PRKD1: variants seen among roughly 807,000 people sequenced by gnomAD.
The protein encoded by PRKD1 is protein kinase D1, also known as serine/threonine-protein kinase D1.
Under a neutral mutation model 95.9 loss-of-function variants are expected in PRKD1, and 63 were observed. The observed-to-expected ratio is 0.66, with a 90% CI of 0.54 to 0.81. The LOEUF is 0.81. Ranked by LOEUF, PRKD1 falls within the 30% of genes least tolerant of loss-of-function variation. The probability of loss-of-function intolerance (pLI) is 0.00; values close to 1 mark genes in which losing one functional copy is unlikely to be tolerated. For missense variants in PRKD1, 1,048 were observed against 1,165.3 expected (o/e 0.90, Z 1.47); for synonymous variants, 425 against 423.1 (o/e 1.00, Z -0.05).
chr14:29,752,577 TTA>T (rs141798722), intron 1 of PRKD1, among the ~76,000 whole-genome samples: 32 of 150,308 alleles, frequency 2.1e-4, no homozygotes, highest in Middle Eastern at 3.4e-3. Flanking sequence ...ATATATCTTA[TTA>T]TATATATATA....
In PRKD1 at chr14:29,793,973, A is replaced by T. The variant is rs1889693648; in HGVS notation, c.265-68299T>A. Among the ~76,000 whole-genome samples, 5 of 152,150 alleles carry T rather than the reference A, an allele frequency of 3.3e-5. No individual in the cohort carries two copies. In the South Asian group the frequency reaches 1.0e-3, roughly 32 times the overall value. On this transcript the variant is annotated intron_variant, in intron 1 of 17. Transcript: ENST00000331968. ...CCAATGTTTCCTCTAACACAAGCAG[A>T]TCTTTACTGTGGCCGTTTTAAATCA...
intron 1 of PRKD1, among the ~76,000 whole-genome samples, chr14:29,805,574 G>A (rs187716341): frequency 1.4e-4 from 22 of 152,288 alleles, no homozygotes; most frequent in Non-Finnish European, 1.0e-4. Flanking sequence ...GCCACGAATC[G>A]TTCTAAATCC....
intron 13 of PRKD1, among the ~76,000 whole-genome samples, chr14:29,603,682 C>G (rs1452817181): frequency 1.3e-5 from 2 of 151,970 alleles, no homozygotes; most frequent in Non-Finnish European, 2.9e-5. Context: ...CTCCTAATGT[C>G]CAAAGTAACA....
In PRKD1 at chr14:29,688,273, C is replaced by T. The variant is rs147544104; in HGVS notation, c.404-22065G>A. On this transcript the variant is annotated intron_variant, in intron 2 of 17. Transcript: ENST00000331968. ...CTTTGGGCCCACTAGGATAACCTCC[C>T]TATCTTAACATCAGCTGACAGCAAC... 1.4e-3 allele frequency among the ~76,000 whole-genome samples: 216 copies of T among 152,226 alleles called. 1 individual carries two copies. The East Asian group carries it at 0.033, about 23-fold the overall frequency.
chr14:29,587,166 G>T (rs1208186053), intron 16 of PRKD1, among the ~76,000 whole-genome samples: 1 of 152,126 alleles, frequency 6.6e-6, no homozygotes, highest in Non-Finnish European at 1.5e-5. Context: ...ATAAATACAT[G>T]AACATTTTTG....
At chr14:29,788,401 C>A (rs1252759144) in intron 1 of PRKD1, among the ~76,000 whole-genome samples, 7 of 152,090 alleles carry the variant, frequency 4.6e-5, no homozygotes, top group Non-Finnish European at 1.0e-4. Flanking sequence ...TGGAGAAGAC[C>A]TTTTGGAATT....
chr14:29,682,580 A>G (rs879576428), intron 2 of PRKD1, among the ~76,000 whole-genome samples: 5 of 152,210 alleles, frequency 3.3e-5, no homozygotes, highest in Non-Finnish European at 7.3e-5. Flanking sequence ...TTATTCATTC[A>G]AAAAACATTT....
chr14:29,798,640 G>C (rs12887052), intron 1 of PRKD1, among the ~76,000 whole-genome samples: 33,105 of 151,684 alleles, frequency 0.22, 3,922 homozygotes, highest in African/African-American at 0.3. Flanking sequence ...TAATTGTAGT[G>C]CTCTGGTAGT....
At chr14:29,923,770 G>GGCATCAA (rs1338491846) in intron 1 of PRKD1, among the ~76,000 whole-genome samples, 1 of 147,302 alleles carries the variant, frequency 6.8e-6, no homozygotes, top group African/African-American at 2.5e-5. Flanking sequence ...TCATATTAAT[G>GGCATCAA]GCATCAAGCA....
At chr14:29,622,367 C>CCCTTCCTTCCTT (rs10522763) in intron 13 of PRKD1, among the ~76,000 whole-genome samples, 46,827 of 144,620 alleles carry the variant, frequency 0.32, 7,895 homozygotes, top group Middle Eastern at 0.34. Context: ...GTATTTTTCT[C>CCCTTCCTTCCTT]CCTTCCTTCC....
intron 1 of PRKD1, among the ~76,000 whole-genome samples, chr14:29,853,800 G>A (rs576810477): frequency 3.5e-4 from 53 of 152,288 alleles, no homozygotes; most frequent in African/African-American, 1.0e-3. Context: ...AATCATGGGC[G>A]CAGGTCTTTC....
At chr14:29,755,914 A>G (rs1181462994) in intron 1 of PRKD1, among the ~76,000 whole-genome samples, 1 of 152,152 alleles carries the variant, frequency 6.6e-6, no homozygotes, top group Non-Finnish European at 1.5e-5. Context: ...CCCAGGCCAC[A>G]CAGTCATTGA....
chr14:29,713,994 A>T (rs559770460), intron 2 of PRKD1, among the ~76,000 whole-genome samples: 6 of 151,568 alleles, frequency 4.0e-5, no homozygotes, highest in Non-Finnish European at 8.9e-5. Context: ...ATTAAATAAG[A>T]TATAGAAAAT....
At position 29,758,552 on chromosome 14, in the gene PRKD1, T is replaced by C. The variant is rs542677638; in HGVS notation, c.265-32878A>G. ...CACAGATGTAGTCAGTTGGCAAATA[T>C]ATAACTAGAGAAGTTTAACTGAAAT... is the stretch of plus-strand genomic sequence containing the variant. On this transcript the variant is annotated intron_variant, in intron 1 of 17. Transcript: ENST00000331968. 3.3e-5 allele frequency among the ~76,000 whole-genome samples: 5 copies of C among 152,328 alleles called. No homozygotes were observed. The South Asian group carries it at 1.0e-3, about 32-fold the overall frequency.
chr14:29,813,043 G>A (rs1003087301), intron 1 of PRKD1, among the ~76,000 whole-genome samples: 1 of 152,164 alleles, frequency 6.6e-6, no homozygotes, highest in Admixed American at 6.5e-5. Flanking sequence ...CTGGGAGGTG[G>A]AGGTTGCAGT....
At chr14:29,634,740 T>C (rs572525287) in intron 7 of PRKD1, among the ~76,000 whole-genome samples, 199 bp from the exon 8 acceptor site, 1 of 152,078 alleles carries the variant, frequency 6.6e-6, no homozygotes, top group South Asian at 2.1e-4. Context: ...TTTGTACACC[T>C]TAAAAAATCC....
chr14:29,583,886 C>G (rs1454645730), intron 16 of PRKD1, among the ~76,000 whole-genome samples: 1 of 152,132 alleles, frequency 6.6e-6, no homozygotes, highest in Non-Finnish European at 1.5e-5. Flanking sequence ...TTTTGGCTAA[C>G]ACAGTTACTC....
At chr14:29,903,975 T>C (rs1029924241) in intron 1 of PRKD1, among the ~76,000 whole-genome samples, 3 of 152,120 alleles carry the variant, frequency 2.0e-5, no homozygotes, top group African/African-American at 7.2e-5. Context: ...GGATGTATTT[T>C]TTACATATAC....
At chr14:29,916,714 A>G (rs1156583784) in intron 1 of PRKD1, among the ~76,000 whole-genome samples, 2 of 152,230 alleles carry the variant, frequency 1.3e-5, no homozygotes, top group Non-Finnish European at 2.9e-5. Flanking sequence ...CAAAGATGAT[A>G]CCAGCTTTGC....
Sources: allele counts gnomAD v4.1 joint callset (sites outside exome capture counted in the v4.1 genomes callset), GRCh38; gene constraint gnomAD v4.1.1; transcripts MANE v1.5; gene names NCBI Gene and HGNC (gene_info 2026-07-23, HGNC 2026-07-21).